Variants in SOHLH2 observed in about 807,000 individuals in gnomAD.
SOHLH2 encodes the protein spermatogenesis and oogenesis specific basic helix-loop-helix 2.
Under a neutral mutation model 50.4 loss-of-function variants are expected in SOHLH2, and 22 were observed. The ratio of observed to expected loss-of-function variants is 0.44; its 90% CI spans 0.31 to 0.62. SOHLH2 has a LOEUF of 0.62. Among genes scored for constraint, SOHLH2 ranks in the 20% least tolerant of loss-of-function variants. SOHLH2 has a pLI of 0.08. For missense variants in SOHLH2, 412 were observed against 504.4 expected, an observed-to-expected ratio of 0.82 and a Z score of 1.76; for synonymous variants, 185 against 187.3, an observed-to-expected ratio of 0.99 and a Z score of 0.10.
intron 6 of SOHLH2, among the ~76,000 whole-genome samples, chr13:36,180,884 G>A (rs1887235032): frequency 6.6e-6 from 1 of 152,102 alleles, no homozygotes. Flanking sequence ...ATATTCATGA[G>A]ATTGAGGTGG....
chr13:36,210,552 C>G (rs1869055765), intron 1 of SOHLH2, among the ~76,000 whole-genome samples: 1 of 151,756 alleles, frequency 6.6e-6, no homozygotes, highest in Non-Finnish European at 1.5e-5. Flanking sequence ...TTTGGAATAC[C>G]TGCCTTCTTA....
chr13:36,193,536 T>A, intron 4 of SOHLH2, 85 bp downstream of exon 4: 1 of 1,375,460 alleles, frequency 7.3e-7, no homozygotes, highest in East Asian at 2.4e-5. Context: ...TTATTTTATT[T>A]ATGCTTGTTT....
chr13:36,174,997 T>A, intron 6 of SOHLH2, 128 bp from the exon 7 acceptor site: 1 of 1,326,476 alleles, frequency 7.5e-7, no homozygotes, highest in Non-Finnish European at 9.8e-7. Context: ...AGTCTCCATT[T>A]CAGAGAAAGG....
chr13:36,201,477 A>ATTT (rs35535088), intron 2 of SOHLH2, among the ~76,000 whole-genome samples: 33 of 148,992 alleles, frequency 2.2e-4, no homozygotes, highest in East Asian at 5.9e-4. Flanking sequence ...AATATCCCTC[A>ATTT]TTTTTTTTTT....
intron 6 of SOHLH2, among the ~76,000 whole-genome samples, chr13:36,185,659 T>C (rs1162761171): frequency 6.6e-6 from 1 of 152,024 alleles, no homozygotes; most frequent in African/African-American, 2.4e-5. Context: ...GAAAACACAA[T>C]TTATCAATAC....
Position 36,170,526 on chromosome 13 carries a change from C to T in SOHLH2, c.1257+5G>A. On this transcript the variant is annotated splice_donor_5th_base_variant and intron_variant, in intron 10 of 10. Transcript: ENST00000379881. Reference sequence around the variant, plus strand: ...AATCTGATCCATGGACCCCTGGAAACTTACCAGACAGTTGGGATGTGTAGT... The same window carrying T: ...AATCTGATCCATGGACCCCTGGAAATTTACCAGACAGTTGGGATGTGTAGT... 1 of 1,612,952 alleles carries T rather than the reference C, an allele frequency of 6.2e-7. No homozygotes were observed. Among genetic ancestry groups the T allele is most frequent in the Non-Finnish European group, 8.5e-7 (1 of 1,179,326 alleles).
chr13:36,194,597 T>C (rs1431704239), intron 2 of SOHLH2, among the ~76,000 whole-genome samples: 1 of 152,224 alleles, frequency 6.6e-6, no homozygotes, highest in Non-Finnish European at 1.5e-5. Context: ...TTTTATTTCT[T>C]GAAATTTTTC....
chr13:36,203,170 A>G (rs1460305050), intron 1 of SOHLH2, among the ~76,000 whole-genome samples: 5 of 152,172 alleles, frequency 3.3e-5, no homozygotes, highest in Non-Finnish European at 7.3e-5. Context: ...TCTGGTGTCT[A>G]TCCTTCCAGA....
At chr13:36,182,931 C>T (rs954520950) in intron 6 of SOHLH2, 3 of 158,326 alleles carry the variant, frequency 1.9e-5, no homozygotes, top group Non-Finnish European at 2.8e-5. Context: ...AATGTGATGC[C>T]CAATGTTGGA....
intron 8 of SOHLH2, 47 bp from the exon 9 acceptor site, chr13:36,173,857 A>G (rs1446268070): frequency 6.2e-7 from 1 of 1,605,030 alleles, no homozygotes; most frequent in East Asian, 2.2e-5. Context: ...AAGGAAAACA[A>G]TGTGGACACT....
At chr13:36,191,680 G>T (rs1887577984) in intron 5 of SOHLH2, 115 bp downstream of exon 5, 3 of 1,194,318 alleles carry the variant, frequency 2.5e-6, no homozygotes, top group Non-Finnish European at 3.6e-6. Flanking sequence ...TGTACCCACA[G>T]TGCCAGCTCA....
chr13:36,174,612 C>G (rs1887052616), intron 7 of SOHLH2, 45 bp from the exon 8 acceptor site: 1 of 1,611,114 alleles, frequency 6.2e-7, no homozygotes, highest in Middle Eastern at 1.7e-4. Flanking sequence ...GACATTTTTA[C>G]ATAGATACAA....
At chr13:36,170,421 T>A in intron 10 of SOHLH2, 110 bp downstream of exon 10, 1 of 1,457,942 alleles carries the variant, frequency 6.9e-7, no homozygotes, top group African/African-American at 1.4e-5. Context: ...AGAATCAAGC[T>A]CTTAGGTCCC....
chr13:36,188,127 C>T (rs1425515468), intron 6 of SOHLH2, among the ~76,000 whole-genome samples: 1 of 152,190 alleles, frequency 6.6e-6, no homozygotes, highest in African/African-American at 2.4e-5. Flanking sequence ...GGCAAAAGTC[C>T]AGATACGCAA....
intron 9 of SOHLH2, among the ~76,000 whole-genome samples, 172 bp from the exon 10 acceptor site, chr13:36,170,959 T>C (rs902552585): frequency 6.6e-6 from 1 of 152,192 alleles, no homozygotes; most frequent in Non-Finnish European, 1.5e-5. Context: ...AATTGTGACA[T>C]TTAGTGCAAT....
At chr13:36,189,577 G>A (rs1005040672) in intron 6 of SOHLH2, among the ~76,000 whole-genome samples, 2 of 152,090 alleles carry the variant, frequency 1.3e-5, no homozygotes, top group Non-Finnish European at 2.9e-5. Context: ...AACTTTTACT[G>A]TCCCCTTACT....
At chr13:36,179,497 C>A (rs1025765163) in intron 6 of SOHLH2, among the ~76,000 whole-genome samples, 1 of 152,208 alleles carries the variant, frequency 6.6e-6, no homozygotes, top group Non-Finnish European at 1.5e-5. Context: ...CAACCTCTGC[C>A]TACTGGGCTC....
At position 36,170,784 on chromosome 13, in the gene SOHLH2, G is replaced by A; in HGVS notation, c.1004C>T (p.Pro335Leu). ...AGCATTCTCTGAGGCGGAGCTTGATGGAACTTTAATGAGAAAGAAAACAAA... is the reference window on the plus strand; with the variant it reads ...AGCATTCTCTGAGGCGGAGCTTGATAGAACTTTAATGAGAAAGAAAACAAA... The part of the protein sequence containing the change: ...ESSLDEAVRV[P>L]SSSASENAIG... Residue 335 changes from proline to leucine, a missense_variant, in exon 10 of 11, where the codon CCA becomes CTA. By Grantham distance (98) the Pro-to-Leu change is moderately conservative. Coordinates refer to ENST00000379881, the MANE Select transcript of SOHLH2 (RefSeq NM_017826.3). 2 of 1,611,232 alleles carry A rather than the reference G, an allele frequency of 1.2e-6. No individual in the cohort carries two copies. The highest frequency in any genetic ancestry group is 1.7e-6 in the Non-Finnish European group (2 of 1,177,784).
intron 1 of SOHLH2, among the ~76,000 whole-genome samples, chr13:36,205,266 C>T (rs573392654): frequency 4.1e-4 from 63 of 152,202 alleles, no homozygotes; most frequent in African/African-American, 1.5e-3. Flanking sequence ...TTTTATTTGA[C>T]TTTAAAGCAT....
Sources: gnomAD v4.1 joint callset for allele counts (sites outside exome capture counted in the v4.1 genomes callset) on GRCh38, gnomAD v4.1.1 for gene constraint, MANE v1.5 for transcripts, NCBI Gene and HGNC (gene_info 2026-07-23, HGNC 2026-07-21) for gene names.